Variants in DYM observed in about 807,000 individuals in gnomAD.
DYM encodes dymeclin, also known as dyggve-Melchior-Clausen syndrome protein.
Under a neutral mutation model 93.1 loss-of-function variants are expected in DYM, and 78 were observed. The observed-to-expected ratio is 0.84, with a 90% CI of 0.70 to 1.01. The LOEUF is 1.01. Among genes scored for constraint, DYM ranks in the 50% least tolerant of loss-of-function variants. The pLI is 0.00. For missense variants in DYM, 789 were observed against 845.0 expected (o/e 0.93, Z 0.82); for synonymous variants, 321 against 319.7 (o/e 1.00, Z -0.04).
chr18:49,454,704 C>A (rs1466353300), intron 1 of DYM, among the ~76,000 whole-genome samples: 2 of 151,714 alleles, frequency 1.3e-5, no homozygotes, highest in Non-Finnish European at 2.9e-5. Context: ...TCGAGACCAT[C>A]CTGGCTAACA....
In DYM at chr18:49,045,352, A is replaced by G. The variant is rs544640918; in HGVS notation, c.2026-1148T>C. ...GCATCCCCAAGGATATTAGCCAGGC[A>G]CTTAATAAACTGATGAGTGAATGAA... On this transcript the variant is annotated intron_variant, in intron 17 of 17. Coordinates refer to ENST00000675505, the MANE Select transcript of DYM (RefSeq NM_001353214.3). Among the ~76,000 whole-genome samples the G allele has an allele frequency of 1.9e-3, 283 of 152,362 alleles. 1 individual carries two copies. Among genetic ancestry groups the G allele is most frequent in the Middle Eastern group, 3.4e-3 (1 of 294 alleles).
At chr18:49,150,324 C>T (rs1049119630) in intron 15 of DYM, among the ~76,000 whole-genome samples, 3 of 152,158 alleles carry the variant, frequency 2.0e-5, no homozygotes, top group African/African-American at 7.2e-5. Context: ...GCCTAACCCC[C>T]CAGTGTAATG....
chr18:49,259,106 T>C (rs967844782), intron 11 of DYM, among the ~76,000 whole-genome samples: 2 of 152,144 alleles, frequency 1.3e-5, no homozygotes, highest in African/African-American at 4.8e-5. Context: ...CATTATTCTC[T>C]ACCTATGCAT....
At chr18:49,426,156 T>A (rs193164675) in intron 2 of DYM, among the ~76,000 whole-genome samples, 115 of 152,112 alleles carry the variant, frequency 7.6e-4, no homozygotes, top group South Asian at 1.5e-3. Context: ...TAAATGTCCA[T>A]CGATGATAGA....
rs562592989 is a variant in DYM, at chr18:49,401,596, C to G, written c.141-9951G>C. ...ATTACTAAGGGATTGGAGAACTATG[C>G]CCAAGAATCAATCAATCAACCTTTC... On this transcript the variant is annotated intron_variant, in intron 2 of 17. Transcript: ENST00000675505. Among the ~76,000 whole-genome samples, 39 of 152,096 alleles carry G rather than the reference C, an allele frequency of 2.6e-4. No homozygotes were observed. In the South Asian group the frequency reaches 3.9e-3, roughly 15 times the overall value.
rs1449361618 is a variant in DYM, at chr18:49,062,620, C to T, written c.2026-18416G>A. 2.6e-5 allele frequency among the ~76,000 whole-genome samples: 4 copies of T among 152,238 alleles called. No individual in the cohort carries two copies. The East Asian group carries it at 5.8e-4, about 22-fold the overall frequency. The stretch of plus-strand genomic sequence containing the variant: ...AGTGCCCAGCCCTGACTGCCATGCA[C>T]AGAACACACACGGGTGGCCATGCTG... On this transcript the variant is annotated intron_variant, in intron 17 of 17. Transcript: ENST00000675505.
chr18:49,245,282 A>C (rs1401611771), intron 13 of DYM, among the ~76,000 whole-genome samples: 9 of 152,240 alleles, frequency 5.9e-5, no homozygotes, highest in Non-Finnish European at 8.8e-5. Flanking sequence ...ACCCTGAAAA[A>C]GAACAGAATA....
chr18:49,163,208 A>G (rs1378991312), intron 15 of DYM, among the ~76,000 whole-genome samples: 1 of 152,206 alleles, frequency 6.6e-6, no homozygotes, highest in African/African-American at 2.4e-5. Context: ...ATCATTTACA[A>G]CTTGTTCCCT....
Position 49,254,111 on chromosome 18 carries a change from T to A in DYM, c.1460+2899A>T, listed in dbSNP as rs796912462. 7.4e-4 allele frequency among the ~76,000 whole-genome samples: 113 copies of A among 152,214 alleles called. 2 individuals are homozygous for A. Among genetic ancestry groups the A allele is most frequent in the African/African-American group, 2.7e-3 (112 of 41,514 alleles). ...GTATCAGGCCAGTTTCTCTTATCTA[T>A]CATGTCATCTTTCTGTAGCCACCCT... On this transcript the variant is annotated intron_variant, in intron 13 of 17. Transcript: ENST00000675505.
At chr18:49,113,614 C>A (rs975689343) in intron 16 of DYM, among the ~76,000 whole-genome samples, 2 of 152,172 alleles carry the variant, frequency 1.3e-5, no homozygotes, top group African/African-American at 4.8e-5. Flanking sequence ...CCTCCACCAA[C>A]TTTTTTCTTC....
intron 14 of DYM, among the ~76,000 whole-genome samples, chr18:49,192,802 T>A (rs927586081): frequency 6.6e-6 from 1 of 152,184 alleles, no homozygotes; most frequent in African/African-American, 2.4e-5. Flanking sequence ...TTTTTCTATA[T>A]GTATGAGAAA....
chr18:49,107,825 T>C (rs1382372080), intron 16 of DYM, among the ~76,000 whole-genome samples: 1 of 151,822 alleles, frequency 6.6e-6, no homozygotes, highest in Non-Finnish European at 1.5e-5. Context: ...TACTGGGGGG[T>C]GCCTCCCAGT....
At chr18:49,207,727 A>G (rs1297569391) in intron 14 of DYM, among the ~76,000 whole-genome samples, 1 of 152,184 alleles carries the variant, frequency 6.6e-6, no homozygotes, top group East Asian at 1.9e-4. Flanking sequence ...ATCAAGGCTT[A>G]CCTGAATTTC....
chr18:49,128,637 C>G (rs1023093626), intron 15 of DYM, among the ~76,000 whole-genome samples: 24 of 152,036 alleles, frequency 1.6e-4, no homozygotes, highest in African/African-American at 5.8e-4. Flanking sequence ...AAACCCCTTC[C>G]TAGTCTCAAG....
intron 14 of DYM, among the ~76,000 whole-genome samples, chr18:49,201,679 C>T (rs1017944932): frequency 4.6e-5 from 7 of 152,228 alleles, no homozygotes; most frequent in Admixed American, 3.9e-4. Context: ...CTATTACTGC[C>T]TTAGCATATG....
At chr18:49,064,021 T>A (rs2076202292) in intron 17 of DYM, among the ~76,000 whole-genome samples, 1 of 152,160 alleles carries the variant, frequency 6.6e-6, no homozygotes, top group South Asian at 2.1e-4. Flanking sequence ...AATACAGTCA[T>A]GTATGCAAAA....
chr18:49,224,016 A>C (rs1392155444), intron 13 of DYM, among the ~76,000 whole-genome samples: 1 of 152,074 alleles, frequency 6.6e-6, no homozygotes, highest in Non-Finnish European at 1.5e-5. Flanking sequence ...CTGATGAAGC[A>C]AGAGTTGACA....
intron 13 of DYM, among the ~76,000 whole-genome samples, chr18:49,216,270 C>T (rs762680091): frequency 3.3e-5 from 5 of 152,192 alleles, no homozygotes; most frequent in Non-Finnish European, 5.9e-5. Flanking sequence ...GGGTAGAGCC[C>T]ACCACAACTC....
chr18:49,098,350 A>G (rs1237881450), intron 16 of DYM, among the ~76,000 whole-genome samples: 1 of 152,208 alleles, frequency 6.6e-6, no homozygotes, highest in Non-Finnish European at 1.5e-5. Context: ...TAAGTTACAA[A>G]CAATCCTTCA....
Sources: allele counts gnomAD v4.1 joint callset (sites outside exome capture counted in the v4.1 genomes callset), GRCh38; gene constraint gnomAD v4.1.1; transcripts MANE v1.5; gene names NCBI Gene and HGNC (gene_info 2026-07-23, HGNC 2026-07-21).